ARHGAP39: variants seen among roughly 807,000 people sequenced by gnomAD.
ARHGAP39 encodes the protein Rho GTPase activating protein 39, also known as rho GTPase-activating protein 39.
Under a neutral mutation model 106.9 loss-of-function variants are expected in ARHGAP39, and 44 were observed. The ratio of observed to expected loss-of-function variants is 0.41; its 90% confidence interval spans 0.32 to 0.53. The LOEUF (loss-of-function observed/expected upper bound fraction) is 0.53, where lower values mean the gene tolerates loss of function less well. ARHGAP39 is among the 20% of genes least tolerant of loss of function. The pLI is 0.21. For missense variants in ARHGAP39, 1,496 were observed against 1,577.3 expected (o/e 0.95, Z 0.87); for synonymous variants, 768 against 693.2 (o/e 1.11, Z -1.69).
intron 1 of ARHGAP39, among the ~76,000 whole-genome samples, chr8:144,681,568 C>G (rs76250188): frequency 0.023 from 3,517 of 152,190 alleles, 77 homozygotes; most frequent in Middle Eastern, 0.044. Flanking sequence ...TCAACAGCAC[C>G]AAAGAAGCCA....
At chr8:144,554,097 G>A (rs1472433473) in intron 4 of ARHGAP39, among the ~76,000 whole-genome samples, 3 of 152,266 alleles carry the variant, frequency 2.0e-5, no homozygotes, top group African/African-American at 4.8e-5. Context: ...GGGGCCAAAG[G>A]CACAACAGAG....
At position 144,532,464 on chromosome 8, in the gene ARHGAP39, A is replaced by G. The variant is rs1451232030; in HGVS notation, c.2889-68T>C. 1.1e-5 allele frequency: 16 copies of G among 1,417,770 alleles called. No homozygotes were observed. The Admixed American group carries it at 2.6e-4, about 23-fold the overall frequency. 87.8% of individuals were successfully genotyped at this position (1,417,770 alleles called of 1,614,324 possible). ...TGCGGCTTCATGATTCCGCCTGGACACTCCCTCCGGTAGGCCCCTGCTGAC... is the reference window on the plus strand; with the variant it reads ...TGCGGCTTCATGATTCCGCCTGGACGCTCCCTCCGGTAGGCCCCTGCTGAC... On this transcript the variant is annotated intron_variant, in intron 9 of 11. Coordinates refer to ENST00000377307, the MANE Select transcript of ARHGAP39 (RefSeq NM_025251.3).
chr8:144,683,519 G>GT (rs1490721325), intron 1 of ARHGAP39: 1 of 150,840 alleles, frequency 6.6e-6, no homozygotes, highest in Non-Finnish European at 1.5e-5. Context: ...GCTAATTTTT[G>GT]TATTTTTAGT....
chr8:144,550,258 G>A (rs1362345672), intron 4 of ARHGAP39, among the ~76,000 whole-genome samples: 3 of 152,024 alleles, frequency 2.0e-5, no homozygotes, highest in Non-Finnish European at 4.4e-5. Flanking sequence ...CTGGGTGACA[G>A]AGTGAGACCC....
chr8:144,559,910 T>G (rs1277550664), intron 3 of ARHGAP39, among the ~76,000 whole-genome samples: 1 of 152,240 alleles, frequency 6.6e-6, no homozygotes, highest in Non-Finnish European at 1.5e-5. Flanking sequence ...ACCTATCACC[T>G]GAGGTCAGAC....
At chr8:144,558,867 G>A (rs1199261622) in intron 3 of ARHGAP39, among the ~76,000 whole-genome samples, 1 of 151,750 alleles carries the variant, frequency 6.6e-6, no homozygotes, top group East Asian at 2.0e-4. Context: ...GAGGTCAGGA[G>A]TTCGAGACCA....
At position 144,646,297 on chromosome 8, in the gene ARHGAP39, C is replaced by A. The variant is rs148348179; in HGVS notation, c.-82+39389G>T. ...CCCCAAACAGGAGTGAGAACAAGGG[C>A]GCCTGTGTTGTTTCATCGGCAATAA... On this transcript the variant is annotated intron_variant, in intron 1 of 11. Coordinates refer to ENST00000377307, the MANE Select transcript of ARHGAP39 (RefSeq NM_025251.3). The surrounding 1 kb of genome is among the most constrained non-coding windows in gnomAD (Gnocchi z 5.7). 1.4e-3 allele frequency among the ~76,000 whole-genome samples: 214 copies of A among 152,218 alleles called. No homozygotes were observed. Among genetic ancestry groups the A allele is most frequent in the Non-Finnish European group, 2.4e-3 (164 of 68,008 alleles).
intron 2 of ARHGAP39, among the ~76,000 whole-genome samples, chr8:144,592,169 A>G (rs1348911153): frequency 2.0e-5 from 3 of 152,192 alleles, no homozygotes; most frequent in Non-Finnish European, 4.4e-5. Context: ...TTCCCTTTTC[A>G]GTGCACTCCT....
intron 7 of ARHGAP39, among the ~76,000 whole-genome samples, chr8:144,534,563 T>A (rs1165243890): frequency 6.6e-6 from 1 of 152,200 alleles, no homozygotes; most frequent in South Asian, 2.1e-4. Context: ...TATTTGACTC[T>A]TCTCTGCTTC....
At chr8:144,595,559 G>A (rs994382701) in intron 2 of ARHGAP39, among the ~76,000 whole-genome samples, 9 of 152,228 alleles carry the variant, frequency 5.9e-5, no homozygotes, top group African/African-American at 2.2e-4. Flanking sequence ...ATAAAAAAAA[G>A]GGAGTCTGGC....
intron 1 of ARHGAP39, among the ~76,000 whole-genome samples, chr8:144,627,430 C>T (rs538583181): frequency 3.3e-5 from 5 of 151,966 alleles, no homozygotes; most frequent in African/African-American, 9.7e-5. Context: ...TGGTGGGCAC[C>T]TGTATTCCCA....
chr8:144,537,709 G>T lies in ARHGAP39; in HGVS notation c.2614+12C>A, dbSNP rs145607062. On this transcript the variant is annotated intron_variant, in intron 7 of 11. Coordinates refer to ENST00000377307, the MANE Select transcript of ARHGAP39 (RefSeq NM_025251.3). Reference sequence around the variant, plus strand: ...AGACGCCGCGCCCAGGGGCTGCGGGGAGAGGCCCTACCATCCGGCTCTTCA... The same window carrying T: ...AGACGCCGCGCCCAGGGGCTGCGGGTAGAGGCCCTACCATCCGGCTCTTCA... 5.6e-6 allele frequency: 9 copies of T among 1,612,872 alleles called. No individual in the cohort carries two copies. The African/African-American group carries it at 1.1e-4, about 19-fold the overall frequency.
intron 2 of ARHGAP39, among the ~76,000 whole-genome samples, chr8:144,594,622 A>G (rs989249107): frequency 1.3e-5 from 2 of 150,300 alleles, no homozygotes; most frequent in Admixed American, 1.3e-4. Context: ...CGAACCCGGG[A>G]GGCGGATGTT....
intron 8 of ARHGAP39, 118 bp downstream of exon 8, chr8:144,534,011 A>G (rs1586872045): frequency 1.7e-6 from 2 of 1,186,392 alleles, no homozygotes; most frequent in East Asian, 2.4e-5. Flanking sequence ...GGCGGGCTCC[A>G]TGTGGCACCC....
chr8:144,552,965 C>G (rs1290906734), intron 4 of ARHGAP39, among the ~76,000 whole-genome samples: 1 of 152,182 alleles, frequency 6.6e-6, no homozygotes, highest in Non-Finnish European at 1.5e-5. Context: ...CAAGGCCTTC[C>G]GAGCCCAGCG....
At chr8:144,628,534 G>A (rs1338638621) in intron 1 of ARHGAP39, among the ~76,000 whole-genome samples, 1 of 152,126 alleles carries the variant, frequency 6.6e-6, no homozygotes, top group Non-Finnish European at 1.5e-5. Context: ...GAACTGAAAG[G>A]AAAAACAGAC....
intron 1 of ARHGAP39, among the ~76,000 whole-genome samples, chr8:144,622,368 C>T (rs1166575246): frequency 1.3e-5 from 2 of 152,056 alleles, no homozygotes; most frequent in Non-Finnish European, 2.9e-5. Flanking sequence ...GCAGCCCCAC[C>T]CGCCACAGGC....
In ARHGAP39 at chr8:144,547,181, G is replaced by C; in HGVS notation, c.1905C>G (p.Ser635Arg). 1 of 1,611,904 alleles carries C rather than the reference G, an allele frequency of 6.2e-7. No individual in the cohort carries two copies. The highest frequency in any genetic ancestry group is 8.5e-7 in the Non-Finnish European group (1 of 1,179,524). The change falls in exon 5 of 12, where the codon AGC becomes AGG. Residue 635 changes from serine to arginine, a missense_variant. Coordinates refer to ENST00000377307, the MANE Select transcript of ARHGAP39 (RefSeq NM_025251.3). This position sits in a 1 kb window ranked among gnomAD's most constrained non-coding sequence, Gnocchi z 5.2. ...LGFPQILLEKSVSVQTNLASP... is the reference protein window; with the variant it reads ...LGFPQILLEKRVSVQTNLASP... ...AGGCCAGGTTGGTCTGCACGGAGAC[G>C]CTCTTCTCCAGCAGGATCTGGGGGA...
intron 1 of ARHGAP39, among the ~76,000 whole-genome samples, chr8:144,636,554 C>T (rs933706552): frequency 3.3e-5 from 5 of 152,212 alleles, no homozygotes; most frequent in African/African-American, 4.8e-5. Context: ...GAGGGCGGGA[C>T]GCCTGGTACA....
Sources: allele counts gnomAD v4.1 joint callset (sites outside exome capture counted in the v4.1 genomes callset), GRCh38; gene constraint gnomAD v4.1.1; non-coding constraint Gnocchi (gnomAD v3.1); transcripts MANE v1.5; gene names NCBI Gene and HGNC (gene_info 2026-07-23, HGNC 2026-07-21).